CSMD1: variants seen among roughly 807,000 people sequenced by gnomAD.
CSMD1 encodes CUB and sushi domain-containing protein 1.
A neutral mutation model predicts 417.5 loss-of-function variants in CSMD1; 213 were observed. The ratio of observed to expected loss-of-function variants is 0.51; its 90% CI spans 0.46 to 0.57. CSMD1 has a LOEUF of 0.57. Ranked by LOEUF, CSMD1 falls within the 20% of genes least tolerant of loss-of-function variation. The pLI, the probability that CSMD1 is intolerant of heterozygous loss-of-function variation, is 0.00. For synonymous variants in CSMD1, 2,862 were observed against 1,736.8 expected (o/e 1.65, Z -16.11); for missense variants, 6,923 against 4,529.7 (o/e 1.53, Z -15.17).
chr8:3,399,402 T>A lies in CSMD1; in HGVS notation c.2394A>T (p.Ile798=). The change falls in exon 16 of 70, where the codon ATA becomes ATT. Residue 798 remains isoleucine (I), a synonymous_variant. Transcript: ENST00000635120. ...AATTTTTTTCTTACCTGTCAAAAGT[T>A]ATTTTGATAGAGTGGCCTGGTTTTG... ...IEAKPGHSIK[I]TFDRFQTEVN... 2 of 1,603,374 alleles carry A rather than the reference T, an allele frequency of 1.2e-6. No homozygotes were observed. The highest frequency in any genetic ancestry group is 1.7e-6 in the Non-Finnish European group (2 of 1,175,378).
At chr8:3,585,661 G>C (rs1426059497) in intron 9 of CSMD1, among the ~76,000 whole-genome samples, 6 of 152,130 alleles carry the variant, frequency 3.9e-5, no homozygotes, top group African/African-American at 9.7e-5. Context: ...AACTATGTTA[G>C]AGATTAAAGA....
chr8:3,982,565 A>C (rs1208697075), intron 5 of CSMD1, among the ~76,000 whole-genome samples: 1 of 152,110 alleles, frequency 6.6e-6, no homozygotes, highest in African/African-American at 2.4e-5. Context: ...CACTAGAATT[A>C]TGCGCCTAGT....
At chr8:3,367,300 C>A in intron 19 of CSMD1, 53 bp from the exon 20 acceptor site, 1 of 1,272,524 alleles carries the variant, frequency 7.9e-7, no homozygotes. Flanking sequence ...ACACACGGGG[C>A]GGCGGGGGCA....
chr8:3,749,483 G>C (rs144609009), intron 6 of CSMD1, among the ~76,000 whole-genome samples: 1 of 152,184 alleles, frequency 6.6e-6, no homozygotes, highest in Non-Finnish European at 1.5e-5. Context: ...AGAAGAAAGT[G>C]TAAGACTCCG....
At chr8:3,532,074 T>G (rs62475771) in intron 10 of CSMD1, among the ~76,000 whole-genome samples, 143 of 152,204 alleles carry the variant, frequency 9.4e-4, no homozygotes, top group Non-Finnish European at 1.4e-3. Flanking sequence ...GATTAGCTCG[T>G]CTATGAAAGC....
chr8:4,712,029 A>G (rs747223065), intron 1 of CSMD1, among the ~76,000 whole-genome samples: 58 of 152,188 alleles, frequency 3.8e-4, no homozygotes, highest in Non-Finnish European at 7.1e-4. Flanking sequence ...GAAAATCTAG[A>G]AGAGATTTTC....
At chr8:4,163,385 G>T (rs745701357) in intron 3 of CSMD1, among the ~76,000 whole-genome samples, 1 of 152,104 alleles carries the variant, frequency 6.6e-6, no homozygotes, top group Non-Finnish European at 1.5e-5. Context: ...CCATATCCAA[G>T]ACAGCAATCT....
chr8:4,863,389 A>G (rs1401111760), intron 1 of CSMD1, among the ~76,000 whole-genome samples: 1 of 152,120 alleles, frequency 6.6e-6, no homozygotes, highest in Non-Finnish European at 1.5e-5. Context: ...CCTTAAGTAA[A>G]GAGAATGCCT....
At chr8:4,565,946 A>G (rs1200382335) in intron 2 of CSMD1, among the ~76,000 whole-genome samples, 1 of 151,802 alleles carries the variant, frequency 6.6e-6, no homozygotes, top group Non-Finnish European at 1.5e-5. Context: ...ATTTCCATTT[A>G]CTATTTCCTA....
chr8:4,059,499 C>T (rs1247280985), intron 3 of CSMD1, among the ~76,000 whole-genome samples: 2 of 152,028 alleles, frequency 1.3e-5, no homozygotes, highest in Non-Finnish European at 1.5e-5. Context: ...TTAATGAATC[C>T]AGGAGCTGGT....
In CSMD1 at chr8:3,197,392, T is replaced by C. The variant is rs562929823; in HGVS notation, c.5194+2322A>G. 1.3e-5 allele frequency among the ~76,000 whole-genome samples: 2 copies of C among 150,854 alleles called. 1 individual carries two copies. The highest frequency in any genetic ancestry group is 6.8e-3 in the Middle Eastern group (2 of 292). ...TGCAATTTGAAGCTGAATTTGTTTA[T>C]GAATGAATGAAGCTGTAATGGTGTA... On this transcript the variant is annotated intron_variant, in intron 33 of 69. Coordinates refer to ENST00000635120, the MANE Select transcript of CSMD1 (RefSeq NM_033225.6).
intron 10 of CSMD1, among the ~76,000 whole-genome samples, chr8:3,537,172 T>G (rs1218650954): frequency 6.6e-6 from 1 of 151,892 alleles, no homozygotes; most frequent in Non-Finnish European, 1.5e-5. Flanking sequence ...CCCAGCTAAT[T>G]TGTTGTATTT....
At chr8:3,797,022 A>C (rs1053729709) in intron 5 of CSMD1, among the ~76,000 whole-genome samples, 2 of 151,902 alleles carry the variant, frequency 1.3e-5, no homozygotes, top group African/African-American at 2.4e-5. Context: ...TAATTATATA[A>C]ATTTAAAAAT....
At chr8:4,206,404 C>G (rs901499971) in intron 3 of CSMD1, among the ~76,000 whole-genome samples, 1 of 152,062 alleles carries the variant, frequency 6.6e-6, no homozygotes, top group Admixed American at 6.6e-5. Context: ...TCCAACTGTT[C>G]AGTTCCCACC....
intron 23 of CSMD1, among the ~76,000 whole-genome samples, chr8:3,309,814 A>G (rs1805186410): frequency 6.6e-6 from 1 of 152,208 alleles, no homozygotes; most frequent in South Asian, 2.1e-4. Flanking sequence ...ACTTCACAAT[A>G]TAATTTTACC....
intron 25 of CSMD1, among the ~76,000 whole-genome samples, chr8:3,304,713 TA>T (rs749001859): frequency 6.2e-5 from 4 of 64,524 alleles, no homozygotes; most frequent in Middle Eastern, 0.022. Flanking sequence ...TTTATTCAAA[TA>T]TTTTTTTATT....
At chr8:3,891,975 G>A (rs905283341) in intron 5 of CSMD1, among the ~76,000 whole-genome samples, 1 of 152,024 alleles carries the variant, frequency 6.6e-6, no homozygotes, top group African/African-American at 2.4e-5. Flanking sequence ...CACAGCATCG[G>A]CTACTTCAAT....
At chr8:4,440,854 G>T (rs748854872) in intron 2 of CSMD1, among the ~76,000 whole-genome samples, 1 of 151,652 alleles carries the variant, frequency 6.6e-6, no homozygotes, top group Non-Finnish European at 1.5e-5. Context: ...AAACTTAGCT[G>T]GGAGTGGGGG....
rs117885993 is a variant in CSMD1, at chr8:3,689,431, G to C, written c.1009+18983C>G. Among the ~76,000 whole-genome samples, 513 of 152,332 alleles carry C rather than the reference G, an allele frequency of 3.4e-3. 2 individuals carry two copies. The highest frequency in any genetic ancestry group is 5.8e-3 in the Non-Finnish European group (393 of 68,034). On this transcript the variant is annotated intron_variant, in intron 7 of 69. Coordinates refer to ENST00000635120, the MANE Select transcript of CSMD1 (RefSeq NM_033225.6). ...GTTTCAGGAAGAAAGGAAATGGCGG[G>C]ATAGTTAGAAGTAATTATGGATAGA...
Sources: allele counts gnomAD v4.1 joint callset (sites outside exome capture counted in the v4.1 genomes callset), GRCh38; gene constraint gnomAD v4.1.1; transcripts MANE v1.5; gene names NCBI Gene and HGNC (gene_info 2026-07-23, HGNC 2026-07-21).